Variants in MUC5AC observed in about 807,000 individuals in gnomAD.
The protein encoded by MUC5AC is mucin-5AC.
A neutral mutation model predicts 169.7 loss-of-function variants in MUC5AC; 158 were observed. That is an observed-to-expected ratio of 0.93 (90% CI 0.82 to 1.06). The LOEUF is 1.06. Ranked by LOEUF, MUC5AC falls within the 50% of genes least tolerant of loss-of-function variation. The pLI is 0.00. For synonymous variants in MUC5AC, 1,975 were observed against 1,237.0 expected (o/e 1.60, Z -12.52); for missense variants, 4,359 against 3,089.9 (o/e 1.41, Z -9.74).
intron 2 of MUC5AC, among the ~76,000 whole-genome samples, chr11:1,161,220 T>C (rs532878169): frequency 2.0e-4 from 31 of 152,310 alleles, no homozygotes; most frequent in African/African-American, 7.2e-4. Flanking sequence ...TGAGAGATTG[T>C]CTTGAGCCGC....
In MUC5AC at chr11:1,164,169, G is replaced by A. The variant is rs571691799; in HGVS notation, c.853G>A (p.Gly285Ser). The change falls in exon 8 of 49, where the codon GGC becomes AGC. Residue 285 changes from glycine to serine, a missense_variant. Physicochemically the swap from Gly to Ser is moderately conservative, Grantham distance 56. Transcript: ENST00000621226. ...TGGCTGCGTGGCCCTGGTGGACGTC[G>A]GCAGCTACCTGGAGGCTTGCAGGCA... ...FSGCVALVDV[G>S]SYLEACRQDL... The A allele has an allele frequency of 2.6e-4, 426 of 1,612,450 alleles. 1 individual carries two copies. Among genetic ancestry groups the A allele is most frequent in the East Asian group, 8.9e-5 (4 of 44,882 alleles).
At position 1,168,372 on chromosome 11, in the gene MUC5AC, C is replaced by T. The variant is rs1437247408; in HGVS notation, c.1498-111C>T. 1.5e-5 allele frequency: 16 copies of T among 1,039,528 alleles called. No homozygotes were observed. The East Asian group carries it at 3.9e-4, about 25-fold the overall frequency. The allele number at this position is 1,039,528 out of a possible 1,614,324, so 64.4% of individuals were successfully genotyped here. On this transcript the variant is annotated intron_variant, in intron 12 of 48. Coordinates refer to ENST00000621226, the MANE Select transcript of MUC5AC (RefSeq NM_001304359.2). ...GCACAAGGCCACCTTGTAGGAGCCG[C>T]AGCTGCAGGGAAAGGCCTCCTAGGC...
rs1341359299 is a variant in MUC5AC at position 1,174,886 on chromosome 11, G to A, written c.2097G>A (p.Lys699=). The A allele has an allele frequency of 2.4e-6, 1 of 417,656 alleles. No individual in the cohort carries two copies. The highest frequency in any genetic ancestry group is 4.2e-6 in the Non-Finnish European group (1 of 236,498). The allele number at this position is 417,656 out of a possible 1,614,324, so 25.9% of individuals were successfully genotyped here. Residue 699 remains lysine (K), a synonymous_variant, in exon 18 of 49, where the codon AAG becomes AAA. Transcript: ENST00000621226. ...CCTCTTCCTGGCATCCCGCAGCGAA[G>A]CCTATGACCACTTGCCCCAAGTCAA... is the stretch of plus-strand genomic sequence containing the variant. ...LGGWRDGVCT[K]PMTTCPKSMT...
chr11:1,160,650 C>A lies in MUC5AC; in HGVS notation c.112C>A (p.His38Asn). ...TGGCTCCTCCGAATCCAGCTACAAG[C>A]ACCACCCTGCCCTCTCTCCTATCGC... Reference protein sequence around the residue: ...QDGSSESSYKHHPALSPIARG... With the variant: ...QDGSSESSYKNHPALSPIARG... The change falls in exon 2 of 49, where the codon CAC (histidine) becomes AAC (asparagine). Residue 38 changes from histidine to asparagine, a missense_variant. His to Asn is a moderately conservative substitution (Grantham distance 68). Coordinates refer to ENST00000621226, the MANE Select transcript of MUC5AC (RefSeq NM_001304359.2). 1 of 1,610,732 alleles carries A rather than the reference C, an allele frequency of 6.2e-7. No individual in the cohort carries two copies. The highest frequency in any genetic ancestry group is 8.5e-7 in the Non-Finnish European group (1 of 1,179,604).
In MUC5AC at chr11:1,189,535, C is replaced by T; in HGVS notation, c.11390C>T (p.Thr3797Ile). The T allele has an allele frequency of 2.3e-5, 14 of 600,806 alleles. 1 individual carries two copies. The South Asian group carries it at 2.7e-4, about 12-fold the overall frequency. 37.2% of individuals were successfully genotyped at this position (600,806 alleles called of 1,614,324 possible). The change falls in exon 31 of 49, where the codon ACC becomes ATC. Residue 3797 changes from threonine (T) to isoleucine (I), a missense_variant. Coordinates refer to ENST00000621226, the MANE Select transcript of MUC5AC (RefSeq NM_001304359.2). ...ACCAGCACAATCTCTGCCCCTACAACCAGCACAACCTCCACTCCACAGACC... is the reference window on the plus strand; with the variant it reads ...ACCAGCACAATCTCTGCCCCTACAATCAGCACAACCTCCACTCCACAGACC... ...PITSTISAPT[T>I]STTSTPQTST... is the part of the protein sequence containing the mutation.
rs1347255501 is a variant in MUC5AC, at chr11:1,184,909, T to C, written c.6764T>C (p.Leu2255Ser). Residue 2255 changes from leucine to serine, a missense_variant, in exon 31 of 49, where the codon TTG becomes TCG. Transcript: ENST00000621226. The part of the protein sequence containing the change: ...SSWQKSRTTT[L>S]VTTSTTSTPQ... ...TGGCAGAAATCCAGGACAACCACTT[T>C]GGTGACAACCAGCACAACCTCCACT... 8 of 628,256 alleles carry C rather than the reference T, an allele frequency of 1.3e-5. No homozygotes were observed. Among genetic ancestry groups the C allele is most frequent in the South Asian group, 3.7e-5 (2 of 54,334 alleles). 38.9% of individuals were successfully genotyped at this position (628,256 alleles called of 1,614,324 possible). A position where few individuals can be genotyped will look rare whatever the true frequency, so the allele number is the denominator to read the frequency against.
intron 10 of MUC5AC, 46 bp downstream of exon 10, chr11:1,165,465 C>T (rs1292018675): frequency 8.1e-6 from 13 of 1,596,632 alleles, no homozygotes; most frequent in African/African-American, 8.0e-5. Flanking sequence ...TGCTATGGGA[C>T]AGACCTGCTG....
rs773510316 is a variant in MUC5AC, at chr11:1,167,974, A to G, written c.1484A>G (p.Asp495Gly). Residue 495 changes from aspartate (D) to glycine (G), a missense_variant, in exon 12 of 49, where the codon GAT (aspartate) becomes GGT (glycine). By Grantham distance (94) the Asp-to-Gly change is moderately conservative (BLOSUM62 -1). Coordinates refer to ENST00000621226, the MANE Select transcript of MUC5AC (RefSeq NM_001304359.2). ...CTGAAGAGCGTGACACTGAGCCTGGATGGGGCGCAGACGGTGAGTGGAGCC... is the reference window on the plus strand; with the variant it reads ...CTGAAGAGCGTGACACTGAGCCTGGGTGGGGCGCAGACGGTGAGTGGAGCC... ...TCLKSVTLSL[D>G]GAQTVVVIKA... The G allele has an allele frequency of 9.7e-6, 15 of 1,550,368 alleles. No homozygotes were observed. The South Asian group carries it at 1.8e-4, about 18-fold the overall frequency.
rs1590155872 is a variant in MUC5AC, at chr11:1,199,626, T to C, written c.16516-69T>C. 7.2e-6 allele frequency: 5 copies of C among 698,134 alleles called. No homozygotes were observed. The East Asian group carries it at 1.3e-4, about 19-fold the overall frequency. The allele number at this position is 698,134 out of a possible 1,614,324, so 43.2% of individuals were successfully genotyped here. On this transcript the variant is annotated intron_variant, in intron 46 of 48. Transcript: ENST00000621226. ...GTCCACTCCTGAGCCTGGCCCCATG[T>C]CCCCATCCCTCACTTCTGTGGGGGC...
intron 1 of MUC5AC, among the ~76,000 whole-genome samples, chr11:1,159,454 C>T (rs1347661968): frequency 7.1e-6 from 1 of 140,240 alleles, no homozygotes; most frequent in African/African-American, 2.7e-5. Flanking sequence ...CTGGTCCCCC[C>T]ATGCTGGGGT....
rs755206264 is a variant in MUC5AC at position 1,194,173 on chromosome 11, T to G, written c.14819T>G (p.Leu4940Arg). 1 of 765,080 alleles carries G rather than the reference T, an allele frequency of 1.3e-6. No individual in the cohort carries two copies. Among genetic ancestry groups the G allele is most frequent in the Admixed American group, 1.7e-5 (1 of 59,032 alleles). 47.4% of individuals were successfully genotyped at this position (765,080 alleles called of 1,614,324 possible). A position where few individuals can be genotyped will look rare whatever the true frequency, so the allele number is the denominator to read the frequency against. Residue 4940 changes from leucine to arginine, a missense_variant, in exon 34 of 49, where the codon CTG (leucine) becomes CGG (arginine). Leu to Arg is a moderately radical substitution (Grantham distance 102, BLOSUM62 -2). Transcript: ENST00000621226. ...TTCGACGGCACCTACTACACCTTCC[T>G]GGACAACTGCACGTACGTGCTGGTG... is the stretch of plus-strand genomic sequence containing the variant. ...ITFDGTYYTFLDNCTYVLVQQ... is the reference protein window; with the variant it reads ...ITFDGTYYTFRDNCTYVLVQQ...
At position 1,163,844 on chromosome 11, in the gene MUC5AC, G is replaced by C. The variant is rs369025217; in HGVS notation, c.680-38G>C. ...TCGGGTGCTGGGCTGACGGGTACCG[G>C]GACCTGCAGGCAGAGCCCGCCTCTG... On this transcript the variant is annotated intron_variant, in intron 6 of 48. Transcript: ENST00000621226. 4.4e-4 allele frequency: 660 copies of C among 1,513,616 alleles called. 3 individuals carry two copies. In the African/African-American group the frequency reaches 8.6e-3, roughly 20 times the overall value. The allele number at this position is 1,513,616 out of a possible 1,614,324, so 93.8% of individuals were successfully genotyped here. A position where few individuals can be genotyped will look rare whatever the true frequency, so the allele number is the denominator to read the frequency against.
intron 16 of MUC5AC, among the ~76,000 whole-genome samples, chr11:1,173,798 C>T (rs953328730): frequency 1.0e-3 from 147 of 146,850 alleles, no homozygotes; most frequent in Non-Finnish European, 1.5e-3. Context: ...TCGCTCATTC[C>T]CTCATTCATT....
intron 15 of MUC5AC, among the ~76,000 whole-genome samples, chr11:1,169,886 C>T (rs1860449142): frequency 7.8e-6 from 1 of 128,046 alleles, no homozygotes; most frequent in East Asian, 2.8e-4. Context: ...ACTCACTCAC[C>T]CACTCACCGA....
Position 1,185,986 on chromosome 11 carries a change from C to G in MUC5AC, c.7841C>G (p.Ser2614Cys). The change falls in exon 31 of 49, where the codon TCT becomes TGT. Residue 2614 changes from serine to cysteine, a missense_variant. Transcript: ENST00000621226. ...ITSAPTTSTNSAPISSTTSAT... is the reference protein window; with the variant it reads ...ITSAPTTSTNCAPISSTTSAT... ...TCTGCACCTACAACCAGCACAAACTCTGCCCCTATAAGCAGCACAACCTCT... is the reference window on the plus strand; with the variant it reads ...TCTGCACCTACAACCAGCACAAACTGTGCCCCTATAAGCAGCACAACCTCT... 1 of 730,964 alleles carries G rather than the reference C, an allele frequency of 1.4e-6. No individual in the cohort carries two copies. The highest frequency in any genetic ancestry group is 1.4e-5 in the South Asian group (1 of 70,416). 45.3% of individuals were successfully genotyped at this position (730,964 alleles called of 1,614,324 possible).
rs1247299457 is a variant in MUC5AC at position 1,192,701 on chromosome 11, G to T, written c.14381-82G>T. ...TTTCCCATTACACAGGTGGTAGAAA[G>T]TGCCCCTCTGGCTCTGGGAGTTTTT... On this transcript the variant is annotated intron_variant, in intron 31 of 48. Transcript: ENST00000621226. 4.3e-6 allele frequency: 3 copies of T among 692,232 alleles called. No homozygotes were observed. The African/African-American group carries it at 5.3e-5, about 12-fold the overall frequency. 42.9% of individuals were successfully genotyped at this position (692,232 alleles called of 1,614,324 possible).
chr11:1,185,362 C>A lies in MUC5AC; in HGVS notation c.7217C>A (p.Ser2406Tyr). 1 of 721,122 alleles carries A rather than the reference C, an allele frequency of 1.4e-6. No homozygotes were observed. The highest frequency in any genetic ancestry group is 2.5e-6 in the Non-Finnish European group (1 of 395,428). The allele number at this position is 721,122 out of a possible 1,614,324, so 44.7% of individuals were successfully genotyped here. The change falls in exon 31 of 49, where the codon TCT (serine) becomes TAT (tyrosine). Residue 2406 changes from serine (S) to tyrosine (Y), a missense_variant. Physicochemically the swap from Ser to Tyr is moderately radical, Grantham distance 144. Coordinates refer to ENST00000621226, the MANE Select transcript of MUC5AC (RefSeq NM_001304359.2). ...CCTGTTCCTACCACCAGCACAACCT[C>A]TGCCACTACAACCAGCACAACCTCA... The part of the protein sequence containing the change: ...PSPVPTTSTT[S>Y]ATTTSTTSAP...
In MUC5AC at chr11:1,157,972, C is replaced by T; in HGVS notation, c.-28C>T. 1 of 1,569,204 alleles carries T rather than the reference C, an allele frequency of 6.4e-7. No homozygotes were observed. The highest frequency in any genetic ancestry group is 8.6e-7 in the Non-Finnish European group (1 of 1,157,824). On this transcript the variant is annotated 5_prime_UTR_variant, in exon 1 of 49. Coordinates refer to ENST00000621226, the MANE Select transcript of MUC5AC (RefSeq NM_001304359.2). ...TCCCTCCTCAGAGGCTGCTGAGGGACAGGGCACTCTTCCCCGCCGTCCACA... is the reference window on the plus strand; with the variant it reads ...TCCCTCCTCAGAGGCTGCTGAGGGATAGGGCACTCTTCCCCGCCGTCCACA...
chr11:1,186,908 A>T lies in MUC5AC; in HGVS notation c.8763A>T (p.Thr2921=), dbSNP rs1860964144. Residue 2921 remains threonine (T), a synonymous_variant, in exon 31 of 49, where the codon ACA becomes ACT. Coordinates refer to ENST00000621226, the MANE Select transcript of MUC5AC (RefSeq NM_001304359.2). ...APTTSTTSAP[T]SSTTSATTTS... Reference sequence around the variant, plus strand: ...CAACCAGCACAACCTCTGCCCCTACAAGCAGCACAACCTCAGCTACTACAA... The same window carrying T: ...CAACCAGCACAACCTCTGCCCCTACTAGCAGCACAACCTCAGCTACTACAA... The T allele has an allele frequency of 4.2e-6, 3 of 722,716 alleles. No homozygotes were observed. In the African/African-American group the frequency reaches 5.2e-5, roughly 13 times the overall value. 44.8% of individuals were successfully genotyped at this position (722,716 alleles called of 1,614,324 possible).
Sources: gnomAD v4.1 joint callset for allele counts (sites outside exome capture counted in the v4.1 genomes callset) on GRCh38, gnomAD v4.1.1 for gene constraint, MANE v1.5 for transcripts, NCBI Gene and HGNC (gene_info 2026-07-23, HGNC 2026-07-21) for gene names.